The following EFCAB3 variants were observed in gnomAD, a reference collection of about 807,000 sequenced individuals.
EFCAB3 encodes the protein EF-hand calcium binding domain 3, also known as EF-hand calcium-binding domain-containing protein 3.
A neutral mutation model predicts 42.2 loss-of-function variants in EFCAB3; 36 were observed. The ratio of observed to expected loss-of-function variants is 0.85; its 90% confidence interval spans 0.65 to 1.13. EFCAB3 has a LOEUF of 1.13. Among genes scored for constraint, EFCAB3 ranks in the 50% most tolerant of loss-of-function variants. The probability of loss-of-function intolerance (pLI) is 0.00; values close to 1 mark genes in which losing one functional copy is unlikely to be tolerated. For synonymous variants in EFCAB3, 170 were observed against 172.8 expected (o/e 0.98, Z 0.13); for missense variants, 418 against 505.1 (o/e 0.83, Z 1.65).
intron 3 of EFCAB3, among the ~76,000 whole-genome samples, chr17:62,390,994 C>G (rs545103020): frequency 3.9e-5 from 6 of 152,208 alleles, no homozygotes; most frequent in Non-Finnish European, 8.8e-5. Flanking sequence ...AACATACATA[C>G]ACACATATGT....
chr17:62,385,915 G>A lies in EFCAB3; in HGVS notation c.75-1425G>A, dbSNP rs188353566. Among the ~76,000 whole-genome samples the A allele has an allele frequency of 4.4e-3, 663 of 150,148 alleles. 5 individuals carry two copies. The highest frequency in any genetic ancestry group is 0.015 in the African/African-American group (618 of 40,888). On this transcript the variant is annotated intron_variant, in intron 2 of 9. Transcript: ENST00000305286. ...TTTTTTTTTTTTAATTTTTAGTAGA[G>A]GCGGGGTTTCACCATGTTAGCCAGG...
chr17:62,414,270 G>C (rs941016417), intron 9 of EFCAB3, among the ~76,000 whole-genome samples: 4 of 152,208 alleles, frequency 2.6e-5, no homozygotes, highest in Non-Finnish European at 4.4e-5. Flanking sequence ...AAGATCAATA[G>C]TTTGATATTA....
intron 6 of EFCAB3, among the ~76,000 whole-genome samples, chr17:62,398,755 G>A (rs2070376078): frequency 6.6e-6 from 1 of 151,906 alleles, no homozygotes; most frequent in Non-Finnish European, 1.5e-5. Context: ...AGAGAAGTCA[G>A]AAATATGTGG....
At position 62,395,145 on chromosome 17, in the gene EFCAB3, G is replaced by GA. The variant is rs1232491372; in HGVS notation, c.446dup (p.Thr150AspfsTer42). The GA allele has an allele frequency of 6.2e-7, 1 of 1,613,932 alleles. No homozygotes were observed. The highest frequency in any genetic ancestry group is 8.5e-7 in the Non-Finnish European group (1 of 1,180,030). Reference sequence around the variant, plus strand: ...GTTTGAAATCCTATCAAGGCTTCTAGAGACTTCAGCCCTACCCAGAAAGTC... The same window carrying GA: ...GTTTGAAATCCTATCAAGGCTTCTAGAAGACTTCAGCCCTACCCAGAAAGTC... On this transcript the variant is annotated frameshift_variant, in exon 6 of 10. Transcript: ENST00000305286. LOFTEE classifies it high-confidence loss of function.
At chr17:62,388,330 T>C (rs1046381005) in intron 3 of EFCAB3, among the ~76,000 whole-genome samples, 4 of 152,158 alleles carry the variant, frequency 2.6e-5, no homozygotes, top group African/African-American at 9.7e-5. Context: ...AATTTGGTCT[T>C]GTGAGGGAAG....
upstream of EFCAB3, among the ~76,000 whole-genome samples, chr17:62,376,193 C>T (rs908804354): frequency 2.0e-5 from 3 of 152,164 alleles, no homozygotes; most frequent in Non-Finnish European, 2.9e-5. Flanking sequence ...TTTTCTTTGG[C>T]TGGGCACGGT....
chr17:62,377,909 G>T, upstream of EFCAB3: 1 of 1,377,568 alleles, frequency 7.3e-7, no homozygotes. Context: ...TGCCCTCCTA[G>T]TCTACTTTCC....
chr17:62,398,187 C>A, intron 6 of EFCAB3: 1 of 196,272 alleles, frequency 5.1e-6, no homozygotes, highest in East Asian at 1.2e-4. Context: ...GGCGTGATGG[C>A]TCACGTCTGT....
At chr17:62,378,946 G>A (rs1446047563), upstream of EFCAB3, among the ~76,000 whole-genome samples, 1 of 151,980 alleles carries the variant, frequency 6.6e-6, no homozygotes. Context: ...GTGGTGGGTT[G>A]GGGGCAGAAT....
At chr17:62,373,360 C>T (rs993275892) in intron 1 of EFCAB3, among the ~76,000 whole-genome samples, 9 of 151,868 alleles carry the variant, frequency 5.9e-5, no homozygotes, top group African/African-American at 2.2e-4. Flanking sequence ...CACTTGTAAT[C>T]CCAACACTTT....
At chr17:62,398,077 G>A in intron 6 of EFCAB3, 1 of 305,986 alleles carries the variant, frequency 3.3e-6, no homozygotes, top group South Asian at 3.8e-5. Flanking sequence ...CTTTAAGGTT[G>A]TCAAAGTGCC....
intron 1 of EFCAB3, among the ~76,000 whole-genome samples, chr17:62,373,242 T>C (rs2070126672): frequency 6.8e-6 from 1 of 147,694 alleles, no homozygotes; most frequent in Non-Finnish European, 1.5e-5. Context: ...ATCACACCAC[T>C]GCACTCCAGC....
At chr17:62,390,455 A>G (rs920803992) in intron 3 of EFCAB3, among the ~76,000 whole-genome samples, 5 of 152,166 alleles carry the variant, frequency 3.3e-5, no homozygotes, top group Admixed American at 2.6e-4. Context: ...CTTCTTTCTA[A>G]TCATCCACCC....
At chr17:62,385,055 T>C (rs1003542583) in intron 2 of EFCAB3, among the ~76,000 whole-genome samples, 1 of 152,206 alleles carries the variant, frequency 6.6e-6, no homozygotes, top group African/African-American at 2.4e-5. Flanking sequence ...TTTCAACTTA[T>C]GATGGGTTTA....
At chr17:62,387,975 C>T (rs2070268940) in intron 3 of EFCAB3, among the ~76,000 whole-genome samples, 1 of 152,172 alleles carries the variant, frequency 6.6e-6, no homozygotes, top group Admixed American at 6.5e-5. Context: ...GAGGCTGAGG[C>T]AGGCCGGGCC....
chr17:62,405,935 T>G (rs1468128139), intron 6 of EFCAB3, among the ~76,000 whole-genome samples: 1 of 152,214 alleles, frequency 6.6e-6, no homozygotes, highest in Admixed American at 6.5e-5. Context: ...TTCTCTGCAA[T>G]GAGAATTTCT....
At chr17:62,373,383 C>A (rs1002506820) in intron 1 of EFCAB3, among the ~76,000 whole-genome samples, 5 of 151,478 alleles carry the variant, frequency 3.3e-5, no homozygotes, top group African/African-American at 7.3e-5. Context: ...GAGGCCAAGG[C>A]GTGAGGATCA....
At chr17:62,381,251 C>T (rs374670746) in intron 1 of EFCAB3, among the ~76,000 whole-genome samples, 7 of 148,922 alleles carry the variant, frequency 4.7e-5, no homozygotes, top group Admixed American at 1.4e-4. Context: ...ACGCGGTGTT[C>T]GGTTTTTTGT....
chr17:62,373,670 A>T, intron 1 of EFCAB3: 1 of 598,926 alleles, frequency 1.7e-6, no homozygotes, highest in East Asian at 3.2e-5. Context: ...CAGAAAAATG[A>T]ATCCAAATTC....
Sources: allele counts gnomAD v4.1 joint callset (sites outside exome capture counted in the v4.1 genomes callset), GRCh38; gene constraint gnomAD v4.1.1; transcripts MANE v1.5; gene names NCBI Gene and HGNC (gene_info 2026-07-23, HGNC 2026-07-21).